The following DCAF17 variants were observed in gnomAD, a reference collection of about 807,000 sequenced individuals.
DCAF17 encodes the protein DDB1 and CUL4 associated factor 17, also known as DDB1- and CUL4-associated factor 17.
Under a neutral mutation model 66.0 loss-of-function variants are expected in DCAF17, and 48 were observed. The observed-to-expected ratio is 0.73, with a 90% CI of 0.58 to 0.92. The LOEUF is 0.92. DCAF17 is among the 40% of genes least tolerant of loss of function. The pLI is 0.00. For missense variants in DCAF17, 562 were observed against 622.8 expected, an observed-to-expected ratio of 0.90 and a Z score of 1.04; for synonymous variants, 206 against 214.6, an observed-to-expected ratio of 0.96 and a Z score of 0.35.
chr2:171,440,369 G>A (rs890026797), intron 2 of DCAF17, among the ~76,000 whole-genome samples: 2 of 152,134 alleles, frequency 1.3e-5, no homozygotes, highest in Non-Finnish European at 2.9e-5. Flanking sequence ...GAGCCTAGGA[G>A]TTTGAGACCA....
Position 171,483,539 on chromosome 2 carries a change from T to G in DCAF17, c.*2425T>G, listed in dbSNP as rs12151641. 5.5e-5 allele frequency: 25 copies of G among 453,980 alleles called. No individual in the cohort carries two copies. The highest frequency in any genetic ancestry group is 9.7e-5 in the Non-Finnish European group (22 of 226,778). The allele number at this position is 453,980 out of a possible 1,614,324, so 28.1% of individuals were successfully genotyped here. A position where few individuals can be genotyped will look rare whatever the true frequency, so the allele number is the denominator to read the frequency against. On this transcript the variant is annotated 3_prime_UTR_variant, in exon 14 of 14. Coordinates refer to ENST00000375255, the MANE Select transcript of DCAF17 (RefSeq NM_025000.4). ...CAACTCTGGGAGAAAACAAAACAAA[T>G]CCTATCCTATTTACTATTTGTGCTA... is the stretch of plus-strand genomic sequence containing the variant.
chr2:171,473,671 C>T (rs1221900221), intron 9 of DCAF17, among the ~76,000 whole-genome samples, 195 bp from the exon 10 acceptor site: 3 of 152,168 alleles, frequency 2.0e-5, no homozygotes, highest in Non-Finnish European at 2.9e-5. Context: ...AAATCCATGA[C>T]ATTTCTGAAT....
At chr2:171,477,869 A>G (rs1486826448) in intron 11 of DCAF17, 118 bp from the exon 12 acceptor site, 2 of 793,344 alleles carry the variant, frequency 2.5e-6, no homozygotes, top group African/African-American at 3.4e-5. Flanking sequence ...CAGTTGAGGA[A>G]AGAATTGTGG....
chr2:171,480,237 A>C, intron 13 of DCAF17, 44 bp downstream of exon 13: 1 of 1,604,118 alleles, frequency 6.2e-7, no homozygotes, highest in Non-Finnish European at 8.5e-7. Context: ...CCTTTCCTTT[A>C]TAGGTGCCAT....
At chr2:171,451,429 C>A (rs2105757517) in intron 5 of DCAF17, among the ~76,000 whole-genome samples, 1 of 152,218 alleles carries the variant, frequency 6.6e-6, no homozygotes. Flanking sequence ...TATACTCTTA[C>A]TACCTTGCTT....
At chr2:171,477,883 TG>T in intron 11 of DCAF17, 103 bp from the exon 12 acceptor site, 2 of 857,488 alleles carry the variant, frequency 2.3e-6, no homozygotes, top group Non-Finnish European at 3.9e-6. Flanking sequence ...ATTGTGGATG[TG>T]GGAGAAGGGT....
At chr2:171,451,911 A>G (rs1480931275) in intron 5 of DCAF17, among the ~76,000 whole-genome samples, 3 of 152,180 alleles carry the variant, frequency 2.0e-5, no homozygotes, top group Non-Finnish European at 4.4e-5. Context: ...TACATTTACC[A>G]TCACCTGATA....
At chr2:171,450,022 G>C in intron 5 of DCAF17, 65 bp downstream of exon 5, 1 of 1,347,074 alleles carries the variant, frequency 7.4e-7, no homozygotes, top group African/African-American at 1.4e-5. Context: ...CTGCAGATTT[G>C]TTATGAAAAA....
chr2:171,461,060 T>C (rs1695557474), intron 8 of DCAF17, among the ~76,000 whole-genome samples: 1 of 152,200 alleles, frequency 6.6e-6, no homozygotes, highest in Non-Finnish European at 1.5e-5. Flanking sequence ...AATTTGTTTT[T>C]CAATCTTAAG....
chr2:171,438,872 G>A (rs1302470594), intron 2 of DCAF17, among the ~76,000 whole-genome samples: 1 of 115,062 alleles, frequency 8.7e-6, no homozygotes, highest in Non-Finnish European at 1.9e-5. Flanking sequence ...AAGTAGCTAG[G>A]ACTATAGGCA....
intron 11 of DCAF17, among the ~76,000 whole-genome samples, chr2:171,477,591 C>G (rs1696556808): frequency 6.6e-6 from 1 of 152,022 alleles, no homozygotes; most frequent in Admixed American, 6.6e-5. Context: ...TTCAGGAGTT[C>G]GAGATCACCC....
intron 6 of DCAF17, among the ~76,000 whole-genome samples, chr2:171,454,624 C>G (rs1695142394): frequency 6.6e-6 from 1 of 152,046 alleles, no homozygotes; most frequent in Admixed American, 6.6e-5. Context: ...TGGCCTGGTG[C>G]AGTGGCTCAC....
intron 2 of DCAF17, among the ~76,000 whole-genome samples, chr2:171,441,506 G>A (rs1308708965): frequency 6.6e-6 from 1 of 152,176 alleles, no homozygotes; most frequent in Non-Finnish European, 1.5e-5. Context: ...GGTGGAAGAA[G>A]GGACCCCCAC....
intron 9 of DCAF17, 83 bp from the exon 10 acceptor site, chr2:171,473,783 A>G: frequency 9.2e-7 from 1 of 1,082,214 alleles, no homozygotes; most frequent in Non-Finnish European, 1.4e-6. Context: ...CCTTTGACCT[A>G]CTGATCTATC....
At chr2:171,458,585 A>T in intron 8 of DCAF17, 108 bp downstream of exon 8, 1 of 876,512 alleles carries the variant, frequency 1.1e-6, no homozygotes. Flanking sequence ...TAAAAAACTC[A>T]ATTCATTTTA....
intron 8 of DCAF17, among the ~76,000 whole-genome samples, chr2:171,462,279 A>AT (rs1398699454): frequency 6.6e-6 from 1 of 152,206 alleles, no homozygotes; most frequent in Non-Finnish European, 1.5e-5. Flanking sequence ...AATATACAAC[A>AT]TAAACCAACT....
chr2:171,448,696 A>G lies in DCAF17; in HGVS notation c.337A>G (p.Asn113Asp). 2 of 1,596,260 alleles carry G rather than the reference A, an allele frequency of 1.3e-6. No homozygotes were observed. The highest frequency in any genetic ancestry group is 1.7e-6 in the Non-Finnish European group (2 of 1,172,716). The change falls in exon 4 of 14, where the codon AAT (asparagine) becomes GAT (aspartate). Residue 113 changes from asparagine to aspartate, a missense_variant. Physicochemically the swap from Asn to Asp is conservative, Grantham distance 23. This residue lies in a region of DCAF17 where 348 missense variants were observed against 355.9 expected (regional missense o/e 0.98). Coordinates refer to ENST00000375255, the MANE Select transcript of DCAF17 (RefSeq NM_025000.4). ...TTTTTTTTAGGGAGATATACTTCCC[A>G]ATTCATCAGATTATAAGTCCTCACT... ...WECPVGDILP[N>D]SSDYKSSLIA...
rs373344754 is a variant in DCAF17 at position 171,484,679 on chromosome 2, AC to A, written c.*3568del. On this transcript the variant is annotated 3_prime_UTR_variant, in exon 14 of 14. Transcript: ENST00000375255. The stretch of plus-strand genomic sequence containing the variant: ...AGACATATACACCTGTGTAACCCAA[AC>A]CCTTTCCAAAATTTAGACCATTGCA... 1.1e-4 allele frequency: 49 copies of A among 453,954 alleles called. No homozygotes were observed. The highest frequency in any genetic ancestry group is 6.9e-4 in the Middle Eastern group (1 of 1,444). 28.1% of individuals were successfully genotyped at this position (453,954 alleles called of 1,614,324 possible). A position where few individuals can be genotyped will look rare whatever the true frequency, so the allele number is the denominator to read the frequency against.
At position 171,465,059 on chromosome 2, in the gene DCAF17, G is replaced by T. The variant is rs141357604; in HGVS notation, c.839-3829G>T. On this transcript the variant is annotated intron_variant, in intron 8 of 13. Coordinates refer to ENST00000375255, the MANE Select transcript of DCAF17 (RefSeq NM_025000.4). ...AAAAATAGAAAAAATTTAGCCAGGC[G>T]TGGTGGTGTGCACTTGTAATCCCAG... Among the ~76,000 whole-genome samples, 495 of 152,174 alleles carry T rather than the reference G, an allele frequency of 3.3e-3. 4 individuals carry two copies. The highest frequency in any genetic ancestry group is 0.011 in the African/African-American group (468 of 41,536).
Sources: allele counts gnomAD v4.1 joint callset (sites outside exome capture counted in the v4.1 genomes callset), GRCh38; gene constraint gnomAD v4.1.1; regional missense constraint gnomAD v4.1.1; transcripts MANE v1.5; gene names NCBI Gene and HGNC (gene_info 2026-07-23, HGNC 2026-07-21).